IL1RAPL1: variants seen among roughly 807,000 people sequenced by gnomAD.
The protein encoded by IL1RAPL1 is interleukin 1 receptor accessory protein like 1.
IL1RAPL1 carries 3 observed loss-of-function variants against 48.4 expected under a neutral mutation model. The observed-to-expected ratio is 0.06, with a 90% CI of 0.03 to 0.16. IL1RAPL1 has a LOEUF of 0.16. Ranked by LOEUF, IL1RAPL1 falls within the 10% of genes least tolerant of loss-of-function variation. The pLI, the probability that IL1RAPL1 is intolerant of heterozygous loss-of-function variation, is 1.00. For synonymous variants in IL1RAPL1, 185 were observed against 187.7 expected (o/e 0.99, Z 0.12); for missense variants, 349 against 530.6 (o/e 0.66, Z 3.36).
chrX:28,684,116 T>G (rs1935088629), intron 1 of IL1RAPL1, among the ~76,000 whole-genome samples: 1 of 112,378 alleles, frequency 8.9e-6, no homozygotes, highest in South Asian at 3.7e-4. Flanking sequence ...ACAAATTATA[T>G]ACCCCCTCTT....
At chrX:29,104,071 C>T (rs1306293596) in intron 2 of IL1RAPL1, among the ~76,000 whole-genome samples, 1 of 111,393 alleles carries the variant, frequency 9.0e-6, no homozygotes, top group Non-Finnish European at 1.9e-5. Flanking sequence ...TGTGGTTCCT[C>T]GAAAAACTAA....
chrX:28,854,917 G>C (rs1921763878), intron 2 of IL1RAPL1, among the ~76,000 whole-genome samples: 1 of 112,078 alleles, frequency 8.9e-6, no homozygotes, highest in South Asian at 3.7e-4. Flanking sequence ...GAGTCAGCAA[G>C]AGTAAATGGT....
At chrX:29,657,004 T>G (rs1267656665) in intron 5 of IL1RAPL1, among the ~76,000 whole-genome samples, 1 of 111,054 alleles carries the variant, frequency 9.0e-6, no homozygotes, top group Non-Finnish European at 1.9e-5. Context: ...TACCTGATCT[T>G]TCTGGGTACT....
At chrX:29,288,381 G>C (rs1442069006) in intron 3 of IL1RAPL1, among the ~76,000 whole-genome samples, 1 of 111,105 alleles carries the variant, frequency 9.0e-6, no homozygotes, top group East Asian at 2.8e-4. Flanking sequence ...TCATCGTTCA[G>C]TTCCTACTTA....
At chrX:28,812,872 A>T (rs766625262) in intron 2 of IL1RAPL1, among the ~76,000 whole-genome samples, 1 of 110,650 alleles carries the variant, frequency 9.0e-6, no homozygotes, top group Non-Finnish European at 1.9e-5. Flanking sequence ...CACTTGTCAC[A>T]TTACCCAGTT....
At chrX:28,798,804 G>C (rs913988062) in intron 2 of IL1RAPL1, among the ~76,000 whole-genome samples, 2 of 111,491 alleles carry the variant, frequency 1.8e-5, no homozygotes, top group Middle Eastern at 4.3e-3. Context: ...AGGTGCAGAG[G>C]GTTTGTAGCA....
chrX:29,786,377 A>G (rs1048350423), intron 6 of IL1RAPL1, among the ~76,000 whole-genome samples: 2 of 111,330 alleles, frequency 1.8e-5, no homozygotes, highest in East Asian at 5.7e-4. Flanking sequence ...ACCAGGTAGA[A>G]GAAAGAGTGA....
chrX:28,883,887 A>G (rs1265219521), intron 2 of IL1RAPL1, among the ~76,000 whole-genome samples: 2 of 112,138 alleles, frequency 1.8e-5, no homozygotes, highest in African/African-American at 3.2e-5. Context: ...GAATTTTTAC[A>G]TATCTTAGAA....
chrX:28,732,910 G>A (rs1205876009), intron 1 of IL1RAPL1, among the ~76,000 whole-genome samples: 1 of 111,267 alleles, frequency 9.0e-6, no homozygotes, highest in African/African-American at 3.3e-5. Flanking sequence ...AATACAGCAG[G>A]ATGGTATAGT....
chrX:29,666,342 A>G (rs1258996808), intron 5 of IL1RAPL1, among the ~76,000 whole-genome samples: 1 of 110,709 alleles, frequency 9.0e-6, no homozygotes, highest in East Asian at 2.8e-4. Context: ...TTTGTCAAAG[A>G]GGAATGGGTG....
intron 1 of IL1RAPL1, among the ~76,000 whole-genome samples, chrX:28,601,830 T>C (rs1190294919): frequency 9.1e-6 from 1 of 109,485 alleles, no homozygotes; most frequent in Non-Finnish European, 1.9e-5. Context: ...GTTGGCCAGG[T>C]ATGGTGGTTC....
Position 29,903,201 on chromosome X carries a change from A to G in IL1RAPL1, c.779-14263A>G, listed in dbSNP as rs1429946602. On this transcript the variant is annotated intron_variant, in intron 6 of 10. Transcript: ENST00000378993. Reference sequence around the variant, plus strand: ...GTGTGTGTGAGAGAGAGAGAGAGAGAGAGACAAAGAAATTCTTCTCTTTTT... The same window carrying G: ...GTGTGTGTGAGAGAGAGAGAGAGAGGGAGACAAAGAAATTCTTCTCTTTTT... 3.6e-5 allele frequency among the ~76,000 whole-genome samples: 4 copies of G among 109,968 alleles called. No homozygotes were observed. In the East Asian group the frequency reaches 1.1e-3, roughly 31 times the overall value.
chrX:28,653,736 C>T (rs1421443628), intron 1 of IL1RAPL1, among the ~76,000 whole-genome samples: 1 of 111,329 alleles, frequency 9.0e-6, no homozygotes, highest in Admixed American at 9.6e-5. Context: ...CATGTTTGGT[C>T]CTGTGCTTTT....
At chrX:29,122,865 C>T (rs993740798) in intron 2 of IL1RAPL1, among the ~76,000 whole-genome samples, 1 of 110,436 alleles carries the variant, frequency 9.1e-6, no homozygotes, top group Non-Finnish European at 1.9e-5. Flanking sequence ...TTTCTTACTG[C>T]CTAGTCATAC....
rs565878731 is a variant in IL1RAPL1, at chrX:29,409,951, T to C, written c.703+10643T>C. ...GATTCTCCTGCCTCAGCCTCCCCAG[T>C]AGCTGGGATTATAGGCATGTGCCAC... On this transcript the variant is annotated intron_variant, in intron 5 of 10. Coordinates refer to ENST00000378993, the MANE Select transcript of IL1RAPL1 (RefSeq NM_014271.4). 5.5e-5 allele frequency among the ~76,000 whole-genome samples: 6 copies of C among 108,615 alleles called. No individual in the cohort carries two copies. The East Asian group carries it at 1.5e-3, about 27-fold the overall frequency. 94.3% of individuals were successfully genotyped at this position (108,615 alleles called of 115,157 possible).
At chrX:29,201,783 G>A (rs772578190) in intron 2 of IL1RAPL1, among the ~76,000 whole-genome samples, 37 of 109,033 alleles carry the variant, frequency 3.4e-4, no homozygotes, top group African/African-American at 1.1e-3. Flanking sequence ...CCTCCGCCTC[G>A]CAGGTTCAAG....
At chrX:29,221,962 A>G (rs917776387) in intron 2 of IL1RAPL1, among the ~76,000 whole-genome samples, 1 of 99,248 alleles carries the variant, frequency 1.0e-5, no homozygotes, top group African/African-American at 3.8e-5. Flanking sequence ...GTGAGCCAAG[A>G]TCTTGCCATT....
intron 1 of IL1RAPL1, among the ~76,000 whole-genome samples, chrX:28,758,625 A>G (rs1419048656): frequency 9.0e-6 from 1 of 111,668 alleles, no homozygotes; most frequent in Non-Finnish European, 1.9e-5. Flanking sequence ...CAAGCACATG[A>G]TTTAGAGACA....
intron 2 of IL1RAPL1, among the ~76,000 whole-genome samples, chrX:29,210,913 A>G (rs767572706): frequency 8.9e-6 from 1 of 112,422 alleles, no homozygotes; most frequent in East Asian, 2.8e-4. Context: ...GCCACGTCTC[A>G]GTCTTGCATT....
Sources: gnomAD v4.1 joint callset for allele counts (sites outside exome capture counted in the v4.1 genomes callset) on GRCh38, gnomAD v4.1.1 for gene constraint, MANE v1.5 for transcripts, NCBI Gene and HGNC (gene_info 2026-07-23, HGNC 2026-07-21) for gene names.